Variants in LMTK2 observed in about 807,000 individuals in gnomAD.
LMTK2 encodes lemur tail kinase 2.
A neutral mutation model predicts 127.5 loss-of-function variants in LMTK2; 37 were observed. That is an observed-to-expected ratio of 0.29 (90% confidence interval 0.22 to 0.38). LMTK2 has a LOEUF of 0.38. Ranked by LOEUF, LMTK2 falls within the 10% of genes least tolerant of loss-of-function variation. The pLI, the probability that LMTK2 is intolerant of heterozygous loss-of-function variation, is 1.00. For synonymous variants in LMTK2, 819 were observed against 810.1 expected (o/e 1.01, Z -0.19); for missense variants, 1,694 against 1,920.3 (o/e 0.88, Z 2.20).
At chr7:98,203,440 C>T (rs1176700210) in intron 11 of LMTK2, 134 bp from the exon 12 acceptor site, 2 of 1,214,918 alleles carry the variant, frequency 1.6e-6, no homozygotes, top group Non-Finnish European at 2.2e-6. Context: ...CCTCCCAGGC[C>T]TGGAGCCGCC....
chr7:98,172,959 T>C (rs1175697517), intron 7 of LMTK2, among the ~76,000 whole-genome samples: 2 of 152,178 alleles, frequency 1.3e-5, no homozygotes, highest in African/African-American at 2.4e-5. Context: ...GGTTTCACCA[T>C]GTTGGCCAGG....
In LMTK2 at chr7:98,151,464, C is replaced by A; in HGVS notation, c.450+9C>A. Reference sequence around the variant, plus strand: ...ATGGCTGGTTTGGAAAGGTAAGATGCTCTTCACTTGCATTTGTTTTCCTCT... The same window carrying A: ...ATGGCTGGTTTGGAAAGGTAAGATGATCTTCACTTGCATTTGTTTTCCTCT... On this transcript the variant is annotated intron_variant, in intron 4 of 13. Transcript: ENST00000297293. 1 of 1,599,994 alleles carries A rather than the reference C, an allele frequency of 6.3e-7. No homozygotes were observed. The highest frequency in any genetic ancestry group is 8.6e-7 in the Non-Finnish European group (1 of 1,167,378).
chr7:98,143,444 A>G (rs1297733323), intron 3 of LMTK2, among the ~76,000 whole-genome samples: 1 of 152,268 alleles, frequency 6.6e-6, no homozygotes, highest in African/African-American at 2.4e-5. Context: ...AAACGGTTAC[A>G]TATCAAGAGT....
At chr7:98,190,687 T>C (rs772570617) in intron 9 of LMTK2, 41 bp from the exon 10 acceptor site, 18 of 1,609,186 alleles carry the variant, frequency 1.1e-5, no homozygotes, top group Admixed American at 5.0e-5. Flanking sequence ...AAATTTGACA[T>C]CTAAAGGGAG....
intron 6 of LMTK2, among the ~76,000 whole-genome samples, chr7:98,168,238 G>A (rs758489413): frequency 2.0e-5 from 3 of 152,200 alleles, no homozygotes; most frequent in Non-Finnish European, 4.4e-5. Context: ...ATGGACTCTC[G>A]AGAGGACTGA....
At position 98,194,149 on chromosome 7, in the gene LMTK2, G is replaced by A. The variant is rs775443893; in HGVS notation, c.3684G>A (p.Thr1228=). Residue 1228 remains threonine (T), a synonymous_variant, in exon 11 of 14, where the codon ACG becomes ACA. Coordinates refer to ENST00000297293, the MANE Select transcript of LMTK2 (RefSeq NM_014916.4). This position sits in a 1 kb window ranked among gnomAD's most constrained non-coding sequence, Gnocchi z 5.4. ...ATCGCCCCTGCACCCTCGCTTCCAC[G>A]GGGACCAACACGAACGAACTCCTTG... ...QDDRPCTLAS[T]GTNTNELLAY... 13 of 1,613,858 alleles carry A rather than the reference G, an allele frequency of 8.1e-6. No homozygotes were observed. The highest frequency in any genetic ancestry group is 8.0e-5 in the African/African-American group (6 of 74,894).
At chr7:98,168,782 G>A (rs939930339) in intron 6 of LMTK2, among the ~76,000 whole-genome samples, 1 of 152,142 alleles carries the variant, frequency 6.6e-6, no homozygotes, top group Non-Finnish European at 1.5e-5. Flanking sequence ...GGAGAGCTTG[G>A]TGTAGCGCTC....
chr7:98,157,761 A>G (rs1562908675), intron 5 of LMTK2, among the ~76,000 whole-genome samples: 1 of 152,162 alleles, frequency 6.6e-6, no homozygotes. Flanking sequence ...AATTCCATTT[A>G]TATAATATTC....
intron 3 of LMTK2, among the ~76,000 whole-genome samples, chr7:98,150,307 CAAAAAA>C: frequency 8.5e-6 from 1 of 117,000 alleles, no homozygotes; most frequent in East Asian, 2.3e-4. Flanking sequence ...GACCCTGTCT[CAAAAAA>C]AAAAAAAAAG....
chr7:98,183,407 T>A (rs1200856680), intron 7 of LMTK2, among the ~76,000 whole-genome samples: 1 of 152,170 alleles, frequency 6.6e-6, no homozygotes, highest in African/African-American at 2.4e-5. Context: ...TTATTTATTT[T>A]TATTTTTTAT....
chr7:98,155,901 T>G (rs952342485), intron 5 of LMTK2, among the ~76,000 whole-genome samples: 5 of 152,072 alleles, frequency 3.3e-5, no homozygotes, highest in Non-Finnish European at 7.4e-5. Flanking sequence ...ACATTTGCGT[T>G]GTGATAGACC....
chr7:98,162,583 T>C (rs1797031432), intron 6 of LMTK2, among the ~76,000 whole-genome samples: 1 of 152,210 alleles, frequency 6.6e-6, no homozygotes, highest in Non-Finnish European at 1.5e-5. Context: ...GGACGGTCAC[T>C]CCTGAACATC....
At chr7:98,181,721 C>T (rs1021212890) in intron 7 of LMTK2, among the ~76,000 whole-genome samples, 1 of 152,082 alleles carries the variant, frequency 6.6e-6, no homozygotes, top group African/African-American at 2.4e-5. Context: ...TGCAGTGGCA[C>T]GATCTCAGCT....
rs1301839366 is a variant in LMTK2 at position 98,120,080 on chromosome 7, A to G, written c.103+12800A>G. Among the ~76,000 whole-genome samples the G allele has an allele frequency of 3.3e-5, 5 of 152,318 alleles. No homozygotes were observed. The East Asian group carries it at 9.6e-4, about 29-fold the overall frequency. On this transcript the variant is annotated intron_variant, in intron 1 of 13. Coordinates refer to ENST00000297293, the MANE Select transcript of LMTK2 (RefSeq NM_014916.4). ...CTGTCTCTGAAGCTGCTACATTATAATGATTGTATAATCATCAGTCGGGTT... is the reference window on the plus strand; with the variant it reads ...CTGTCTCTGAAGCTGCTACATTATAGTGATTGTATAATCATCAGTCGGGTT...
chr7:98,154,790 C>A lies in LMTK2; in HGVS notation c.483C>A (p.Ser161Arg), dbSNP rs766524562. The change falls in exon 5 of 14, where the codon AGC (serine) becomes AGA (arginine). Residue 161 changes from serine to arginine, a missense_variant. Coordinates refer to ENST00000297293, the MANE Select transcript of LMTK2 (RefSeq NM_014916.4). ...TGGGAGAGATTTACACGGGCACTAGCGTAGCAAGAGTCATCGTGAAGGAGT... is the reference window on the plus strand; with the variant it reads ...TGGGAGAGATTTACACGGGCACTAGAGTAGCAAGAGTCATCGTGAAGGAGT... Reference protein sequence around the residue: ...VLLGEIYTGTSVARVIVKELK... With the variant: ...VLLGEIYTGTRVARVIVKELK... 2 of 1,613,126 alleles carry A rather than the reference C, an allele frequency of 1.2e-6. No homozygotes were observed. The highest frequency in any genetic ancestry group is 3.3e-5 in the Admixed American group (2 of 59,980).
chr7:98,203,974 C>T lies in LMTK2; in HGVS notation c.4271C>T (p.Ser1424Phe). The T allele has an allele frequency of 1.9e-6, 3 of 1,614,058 alleles. No homozygotes were observed. Among genetic ancestry groups the T allele is most frequent in the Non-Finnish European group, 8.5e-7 (1 of 1,179,978 alleles). The change falls in exon 13 of 14, where the codon TCC (serine) becomes TTC (phenylalanine). Residue 1424 changes from serine (S) to phenylalanine (F), a missense_variant. This residue lies in a region of LMTK2 where 554 missense variants were observed against 567.7 expected (regional missense o/e 0.98). Transcript: ENST00000297293. Reference protein sequence around the residue: ...GGGFEWDDDFSPDPFMSKTTS... With the variant: ...GGGFEWDDDFFPDPFMSKTTS... ...GGCTTTGAGTGGGATGATGACTTCTCCCCAGATCCTTTTATGTCAAAGACA... is the reference window on the plus strand; with the variant it reads ...GGCTTTGAGTGGGATGATGACTTCTTCCCAGATCCTTTTATGTCAAAGACA...
chr7:98,163,927 A>G (rs1797051571), intron 6 of LMTK2, among the ~76,000 whole-genome samples: 2 of 152,380 alleles, frequency 1.3e-5, no homozygotes, highest in South Asian at 4.1e-4. Flanking sequence ...TGCCTGTCTT[A>G]GCAGGTCAAG....
intron 1 of LMTK2, among the ~76,000 whole-genome samples, chr7:98,122,262 G>C (rs956896254): frequency 6.6e-6 from 1 of 151,606 alleles, no homozygotes; most frequent in Admixed American, 6.6e-5. Context: ...GGTTTGTCAC[G>C]TGGGTAAATT....
At chr7:98,110,448 AT>A (rs1224930461) in intron 1 of LMTK2, among the ~76,000 whole-genome samples, 1 of 151,976 alleles carries the variant, frequency 6.6e-6, no homozygotes, top group Non-Finnish European at 1.5e-5. Flanking sequence ...CCTTGTTGTT[AT>A]GTAGACTAAG....
Sources: allele counts gnomAD v4.1 joint callset (sites outside exome capture counted in the v4.1 genomes callset), GRCh38; gene constraint gnomAD v4.1.1; regional missense constraint gnomAD v4.1.1; non-coding constraint Gnocchi (gnomAD v3.1); transcripts MANE v1.5; gene names NCBI Gene and HGNC (gene_info 2026-07-23, HGNC 2026-07-21).